The following TENM3 variants were observed in gnomAD, a reference collection of about 807,000 sequenced individuals.
TENM3 encodes the protein teneurin transmembrane protein 3.
A neutral mutation model predicts 255.1 loss-of-function variants in TENM3; 63 were observed. That is an observed-to-expected ratio of 0.25 (90% confidence interval 0.20 to 0.30). The LOEUF is 0.30. Among genes scored for constraint, TENM3 ranks in the 10% least tolerant of loss-of-function variants. TENM3 has a pLI of 1.00. For synonymous variants in TENM3, 1,306 were observed against 1,322.3 expected (o/e 0.99, Z 0.27); for missense variants, 2,929 against 3,461.1 (o/e 0.85, Z 3.86).
the TENM3 span, among the ~76,000 whole-genome samples, chr4:181,986,844 C>T: frequency 6.6e-6 from 1 of 151,926 alleles, no homozygotes; most frequent in African/African-American, 2.4e-5. Context: ...TCTATAGGCA[C>T]AAAAAGGTGT....
At chr4:181,547,948 A>C in the TENM3 span, among the ~76,000 whole-genome samples, 147 of 151,964 alleles carry the variant, frequency 9.7e-4, no homozygotes, top group African/African-American at 3.4e-3. Flanking sequence ...TCCTAATGCT[A>C]TCCCTCCCCC....
At chr4:182,170,493 T>C (rs1009210412) in intron 1 of TENM3, among the ~76,000 whole-genome samples, 1 of 152,178 alleles carries the variant, frequency 6.6e-6, no homozygotes, top group African/African-American at 2.4e-5. Flanking sequence ...ATAAATCTGA[T>C]CTACGCCTTT....
chr4:181,674,491 CAAG>C, the TENM3 span, among the ~76,000 whole-genome samples: 1 of 151,238 alleles, frequency 6.6e-6, no homozygotes, highest in Non-Finnish European at 1.5e-5. Flanking sequence ...TCCTTTTGTG[CAAG>C]ACTTCTCAGA....
chr4:182,154,193 G>A (rs1395857535), intron 1 of TENM3, among the ~76,000 whole-genome samples: 1 of 151,188 alleles, frequency 6.6e-6, no homozygotes, highest in African/African-American at 2.4e-5. Flanking sequence ...TGAGGTTCTG[G>A]TTCTTTTACT....
the TENM3 span, among the ~76,000 whole-genome samples, chr4:181,518,292 C>T: frequency 3.3e-5 from 5 of 151,146 alleles, no homozygotes; most frequent in Non-Finnish European, 7.4e-5. Context: ...AAACTGTCAG[C>T]ATGTGGGGTT....
the TENM3 span, among the ~76,000 whole-genome samples, chr4:181,781,822 G>T: frequency 3.3e-5 from 5 of 152,148 alleles, no homozygotes; most frequent in African/African-American, 9.7e-5. Flanking sequence ...AGAATTTTTA[G>T]CATGAAGGGC....
the TENM3 span, among the ~76,000 whole-genome samples, chr4:181,461,929 A>G: frequency 6.8e-6 from 1 of 146,896 alleles, no homozygotes; most frequent in Non-Finnish European, 1.5e-5. Flanking sequence ...TTTTGAATTG[A>G]ATGCCAGACA....
At chr4:181,672,418 C>T in the TENM3 span, among the ~76,000 whole-genome samples, 1 of 152,086 alleles carries the variant, frequency 6.6e-6, no homozygotes, top group Non-Finnish European at 1.5e-5. Context: ...AGTCAAGTGC[C>T]ATACTAAGGA....
intron 7 of TENM3, among the ~76,000 whole-genome samples, chr4:182,673,814 A>T (rs1408377041): frequency 6.6e-6 from 1 of 152,212 alleles, no homozygotes; most frequent in Non-Finnish European, 1.5e-5. Flanking sequence ...CAATTCACAT[A>T]TCCTTAATAT....
chr4:182,684,201 T>TA (rs1363549307), intron 11 of TENM3, among the ~76,000 whole-genome samples: 1 of 149,950 alleles, frequency 6.7e-6, no homozygotes, highest in East Asian at 2.0e-4. Context: ...AGGACAATGA[T>TA]AGAGGAGGAA....
the TENM3 span, among the ~76,000 whole-genome samples, chr4:181,610,155 T>C: frequency 6.6e-6 from 1 of 152,206 alleles, no homozygotes; most frequent in Non-Finnish European, 1.5e-5. Flanking sequence ...ACCACATCAA[T>C]GTTGCAGCAG....
At position 182,793,249 on chromosome 4, in the gene TENM3, G is replaced by A; in HGVS notation, c.6577G>A (p.Glu2193Lys). Residue 2193 changes from glutamate (E) to lysine (K), a missense_variant, in exon 26 of 28, where the codon GAA (glutamate) becomes AAA (lysine). By Grantham distance (56) the Glu-to-Lys change is moderately conservative. Transcript: ENST00000511685. The surrounding 1 kb of genome is among the most constrained non-coding windows in gnomAD (Gnocchi z 5.7). Reference sequence around the variant, plus strand: ...GGGTGATGTTCAATATCGGTTGGATGAAGATGGTTTCCTACGTCAAAGGGG... The same window carrying A: ...GGGTGATGTTCAATATCGGTTGGATAAAGATGGTTTCCTACGTCAAAGGGG... ...RLGDVQYRLDEDGFLRQRGTE... is the reference protein window; with the variant it reads ...RLGDVQYRLDKDGFLRQRGTE... The A allele has an allele frequency of 1.2e-6, 2 of 1,613,932 alleles. No homozygotes were observed. The highest frequency in any genetic ancestry group is 2.2e-5 in the East Asian group (1 of 44,878).
At chr4:182,431,840 G>T (rs1580517314) in intron 3 of TENM3, among the ~76,000 whole-genome samples, 2 of 152,090 alleles carry the variant, frequency 1.3e-5, no homozygotes, top group African/African-American at 4.8e-5. Flanking sequence ...ACTTTGGAAG[G>T]CCAAGGCAGG....
At chr4:182,263,609 C>A (rs1607039) in intron 1 of TENM3, among the ~76,000 whole-genome samples, 3,436 of 152,152 alleles carry the variant, frequency 0.023, 138 homozygotes, top group African/African-American at 0.079. Context: ...CCTACCTTCA[C>A]GACAGCACCC....
At chr4:181,752,346 T>C in the TENM3 span, among the ~76,000 whole-genome samples, 1 of 152,164 alleles carries the variant, frequency 6.6e-6, no homozygotes, top group Non-Finnish European at 1.5e-5. Context: ...GGTTAGGAGT[T>C]TGAGACCAGC....
chr4:181,872,865 T>C, the TENM3 span, among the ~76,000 whole-genome samples: 1 of 152,300 alleles, frequency 6.6e-6, no homozygotes, highest in Admixed American at 6.5e-5. Flanking sequence ...TCAGCTGTCA[T>C]CACCTGGCCT....
chr4:182,653,866 A>G lies in TENM3; in HGVS notation c.1084A>G (p.Thr362Ala). 1 of 1,612,846 alleles carries G rather than the reference A, an allele frequency of 6.2e-7. No individual in the cohort carries two copies. The highest frequency in any genetic ancestry group is 8.5e-7 in the Non-Finnish European group (1 of 1,179,366). The change falls in exon 6 of 28, where the codon ACT becomes GCT. Residue 362 changes from threonine to alanine, a missense_variant. Physicochemically the swap from Thr to Ala is moderately conservative, Grantham distance 58. Around this residue, in one of 6 missense-constraint regions of TENM3, gnomAD observed 1,608 missense variants for 1,884.4 expected, o/e 0.85. Transcript: ENST00000511685. The part of the protein sequence containing the change: ...KVNSDTMPTN[T>A]VSLPSGDNGK... ...GAATTCTGATACCATGCCAACAAAC[A>G]CTGTGTCATTACCTTCTGGAGACAA...
the TENM3 span, among the ~76,000 whole-genome samples, chr4:181,554,648 C>T: frequency 1.3e-5 from 2 of 152,122 alleles, no homozygotes; most frequent in Admixed American, 1.3e-4. Flanking sequence ...TTATTAAATT[C>T]TTTATTAATT....
chr4:182,781,266 AG>A (rs1400384009), intron 24 of TENM3, among the ~76,000 whole-genome samples: 3 of 148,712 alleles, frequency 2.0e-5, no homozygotes, highest in Admixed American at 6.7e-5. Flanking sequence ...TTTAGCATGA[AG>A]GGTTGTTGAA....
Sources: allele counts gnomAD v4.1 joint callset (sites outside exome capture counted in the v4.1 genomes callset), GRCh38; gene constraint gnomAD v4.1.1; regional missense constraint gnomAD v4.1.1; non-coding constraint Gnocchi (gnomAD v3.1); transcripts MANE v1.5; gene names NCBI Gene and HGNC (gene_info 2026-07-23, HGNC 2026-07-21).